ABCC4: variants seen among roughly 807,000 people sequenced by gnomAD.
ABCC4 encodes the protein ATP binding cassette subfamily C member 4 (PEL blood group), also known as ATP-binding cassette sub-family C member 4.
In ABCC4, 102 loss-of-function variants were observed where a neutral mutation model predicts 168.5. The ratio of observed to expected loss-of-function variants is 0.61; its 90% CI spans 0.52 to 0.71. The LOEUF is 0.71. Among genes scored for constraint, ABCC4 ranks in the 30% least tolerant of loss-of-function variants. The pLI, the probability that ABCC4 is intolerant of heterozygous loss-of-function variation, is 0.00. For missense variants in ABCC4, 1,402 were observed against 1,605.8 expected, an observed-to-expected ratio of 0.87 and a Z score of 2.17; for synonymous variants, 617 against 590.7, an observed-to-expected ratio of 1.04 and a Z score of -0.65.
At chr13:95,132,860 G>C (rs757643030) in intron 19 of ABCC4, among the ~76,000 whole-genome samples, 11 of 152,186 alleles carry the variant, frequency 7.2e-5, no homozygotes, top group South Asian at 4.2e-4. Flanking sequence ...CCAGCATGTA[G>C]AACAGTCAAA....
At chr13:95,100,614 A>G (rs904627474) in intron 20 of ABCC4, among the ~76,000 whole-genome samples, 39 of 152,310 alleles carry the variant, frequency 2.6e-4, no homozygotes, top group African/African-American at 9.1e-4. Context: ...TAACAAGGAA[A>G]TCCACTTTAA....
At chr13:95,202,999 G>A (rs1040335872) in intron 8 of ABCC4, among the ~76,000 whole-genome samples, 2 of 152,172 alleles carry the variant, frequency 1.3e-5, no homozygotes, top group African/African-American at 2.4e-5. Flanking sequence ...CTAAAGCCCC[G>A]GATCAGCCTT....
Position 95,044,287 on chromosome 13 carries a change from G to A in ABCC4, c.3608C>T (p.Ala1203Val), listed in dbSNP as rs373949612. The A allele has an allele frequency of 5.0e-5, 81 of 1,611,872 alleles. No homozygotes were observed. Among genetic ancestry groups the A allele is most frequent in the Non-Finnish European group, 6.4e-5 (76 of 1,179,104 alleles). Residue 1203 changes from alanine (A) to valine (V), a missense_variant, in exon 28 of 31, where the codon GCG becomes GTG. Physicochemically the swap from Ala to Val is moderately conservative, Grantham distance 64. Transcript: ENST00000645237. ...RKNQILIIDE[A>V]TANVDPRTDE... is the part of the protein sequence containing the mutation. ...ATACCTTGGATCCACATTTGCCGTC[G>A]CTTCATCAATAATCAATATCTGATT...
chr13:95,081,063 T>G (rs558073380), intron 21 of ABCC4, among the ~76,000 whole-genome samples: 88 of 147,110 alleles, frequency 6.0e-4, no homozygotes, highest in Non-Finnish European at 1.1e-3. Flanking sequence ...TGGTTGGTGA[T>G]CTGAGCGCAT....
At chr13:95,056,098 C>T (rs878907269) in intron 26 of ABCC4, among the ~76,000 whole-genome samples, 5 of 152,134 alleles carry the variant, frequency 3.3e-5, no homozygotes, top group Admixed American at 2.0e-4. Context: ...ACACTTAAAA[C>T]GACCTGGGAC....
At chr13:95,027,713 A>G (rs989953910) in intron 30 of ABCC4, among the ~76,000 whole-genome samples, 2 of 152,212 alleles carry the variant, frequency 1.3e-5, no homozygotes, top group Non-Finnish European at 2.9e-5. Context: ...CAGCATTTAG[A>G]GGAAACAAAA....
chr13:95,079,426 C>T (rs1363763098), intron 21 of ABCC4, among the ~76,000 whole-genome samples: 1 of 152,238 alleles, frequency 6.6e-6, no homozygotes, highest in African/African-American at 2.4e-5. Flanking sequence ...TTTTAATTCT[C>T]AAGGCTATAG....
intron 19 of ABCC4, among the ~76,000 whole-genome samples, chr13:95,120,789 C>T (rs946043710): frequency 1.3e-5 from 2 of 152,050 alleles, no homozygotes; most frequent in African/African-American, 2.4e-5. Context: ...CAAATGGTGT[C>T]GAGAGAATTG....
intron 30 of ABCC4, among the ~76,000 whole-genome samples, chr13:95,025,616 T>C (rs2031501137): frequency 6.6e-6 from 1 of 150,866 alleles, no homozygotes; most frequent in Non-Finnish European, 1.5e-5. Flanking sequence ...CCTGTAACTA[T>C]CTGGTCTAGG....
chr13:95,173,276 C>T (rs1338140514), intron 13 of ABCC4, among the ~76,000 whole-genome samples: 1 of 152,208 alleles, frequency 6.6e-6, no homozygotes, highest in Non-Finnish European at 1.5e-5. Context: ...GCAATGGTCC[C>T]GGGGCACAAA....
At chr13:95,264,181 A>G (rs1208299430) in intron 1 of ABCC4, among the ~76,000 whole-genome samples, 1 of 152,216 alleles carries the variant, frequency 6.6e-6, no homozygotes, top group Non-Finnish European at 1.5e-5. Flanking sequence ...TGGGGAAAAC[A>G]GAATATTTCT....
intron 27 of ABCC4, among the ~76,000 whole-genome samples, chr13:95,045,614 C>T (rs1336112763): frequency 6.6e-6 from 1 of 152,096 alleles, no homozygotes; most frequent in Non-Finnish European, 1.5e-5. Flanking sequence ...AAAATTGTAG[C>T]TATAAGATGA....
chr13:95,146,697 G>C (rs1302013258), intron 19 of ABCC4, among the ~76,000 whole-genome samples: 1 of 152,222 alleles, frequency 6.6e-6, no homozygotes, highest in Non-Finnish European at 1.5e-5. Context: ...GAGGCAGAGA[G>C]ACTGCAACAG....
intron 19 of ABCC4, among the ~76,000 whole-genome samples, chr13:95,132,560 T>C (rs1443090166): frequency 1.3e-5 from 2 of 152,232 alleles, no homozygotes; most frequent in African/African-American, 4.8e-5. Context: ...TTATAATGCC[T>C]AAATACAATG....
intron 14 of ABCC4, among the ~76,000 whole-genome samples, chr13:95,166,872 C>T (rs1262052654): frequency 1.3e-5 from 2 of 152,056 alleles, no homozygotes; most frequent in Non-Finnish European, 2.9e-5. Flanking sequence ...ATGAACTGCA[C>T]CTTCACGGTC....
intron 1 of ABCC4, among the ~76,000 whole-genome samples, chr13:95,256,737 G>A (rs1297271976): frequency 6.6e-6 from 1 of 151,574 alleles, no homozygotes; most frequent in Non-Finnish European, 1.5e-5. Context: ...CAGCCTGGGT[G>A]ACAGAGTGAG....
intron 8 of ABCC4, among the ~76,000 whole-genome samples, 170 bp downstream of exon 8, chr13:95,206,362 C>G (rs1285897491): frequency 6.6e-6 from 1 of 152,156 alleles, no homozygotes; most frequent in African/African-American, 2.4e-5. Context: ...ATTGTCTTTA[C>G]CGCGCTCTAT....
At chr13:95,274,098 T>C (rs1390887559) in intron 1 of ABCC4, among the ~76,000 whole-genome samples, 1 of 152,182 alleles carries the variant, frequency 6.6e-6, no homozygotes, top group African/African-American at 2.4e-5. Flanking sequence ...CAGGTATGTC[T>C]TTATCAGCAG....
intron 1 of ABCC4, among the ~76,000 whole-genome samples, chr13:95,286,874 T>C (rs551226878): frequency 6.6e-6 from 1 of 151,234 alleles, no homozygotes; most frequent in South Asian, 2.1e-4. Flanking sequence ...GGAGAATTGC[T>C]TGAACCCCGA....
Sources: allele counts gnomAD v4.1 joint callset (sites outside exome capture counted in the v4.1 genomes callset), GRCh38; gene constraint gnomAD v4.1.1; transcripts MANE v1.5; gene names NCBI Gene and HGNC (gene_info 2026-07-23, HGNC 2026-07-21).